COP1: variants seen among roughly 807,000 people sequenced by gnomAD.
COP1 encodes the protein E3 ubiquitin-protein ligase COP1.
A neutral mutation model predicts 101.3 loss-of-function variants in COP1; 24 were observed. That is an observed-to-expected ratio of 0.24 (90% confidence interval 0.17 to 0.33). COP1 has a LOEUF of 0.33. Ranked by LOEUF, COP1 falls within the 10% of genes least tolerant of loss-of-function variation. COP1 has a pLI of 1.00. For missense variants in COP1, 663 were observed against 906.2 expected (o/e 0.73, Z 3.45); for synonymous variants, 347 against 341.9 (o/e 1.01, Z -0.17).
At position 176,043,595 on chromosome 1, in the gene COP1, T is replaced by TA. The variant is rs1671013827; in HGVS notation, c.1530+114dup. On this transcript the variant is annotated intron_variant, in intron 13 of 19. Coordinates refer to ENST00000367669, the MANE Select transcript of COP1 (RefSeq NM_022457.7). ...GTATTGCATAGGTGTTACACAGGTA[T>TA]AAAAAATACTAAATAGTGACTTCAA... The TA allele has an allele frequency of 1.4e-5, 10 of 712,386 alleles. No individual in the cohort carries two copies. In the East Asian group the frequency reaches 2.5e-4, roughly 18 times the overall value. 44.1% of individuals were successfully genotyped at this position (712,386 alleles called of 1,614,324 possible). A position where few individuals can be genotyped will look rare whatever the true frequency, so the allele number is the denominator to read the frequency against.
intron 18 of COP1, among the ~76,000 whole-genome samples, chr1:175,965,181 A>AG (rs1282871750): frequency 6.6e-6 from 1 of 152,026 alleles, no homozygotes; most frequent in Non-Finnish European, 1.5e-5. Flanking sequence ...CTCATGTAGG[A>AG]GGTCATGGAC....
chr1:176,114,601 T>TG (rs1253862957), intron 9 of COP1, among the ~76,000 whole-genome samples: 7 of 120,802 alleles, frequency 5.8e-5, no homozygotes, highest in Admixed American at 1.8e-4. Context: ...GGGGAGGGAG[T>TG]GGGGGGGAAA....
intron 15 of COP1, among the ~76,000 whole-genome samples, chr1:175,998,583 T>C (rs895016881): frequency 3.9e-5 from 6 of 151,968 alleles, no homozygotes; most frequent in African/African-American, 1.4e-4. Flanking sequence ...AAAAACTAAA[T>C]CTGTATATAG....
At chr1:176,161,443 A>G (rs1018478448) in intron 5 of COP1, among the ~76,000 whole-genome samples, 11 of 152,018 alleles carry the variant, frequency 7.2e-5, no homozygotes, top group African/African-American at 2.4e-4. Context: ...AAAAATAAAA[A>G]TAAACTAGTT....
At chr1:176,136,384 C>G in intron 7 of COP1, 104 bp downstream of exon 7, 4 of 631,436 alleles carry the variant, frequency 6.3e-6, no homozygotes, top group Non-Finnish European at 8.1e-6. Flanking sequence ...TTACTTTCTT[C>G]CTAAGACCAA....
At chr1:176,084,273 T>G (rs2149413910) in intron 10 of COP1, among the ~76,000 whole-genome samples, 1 of 152,300 alleles carries the variant, frequency 6.6e-6, no homozygotes, top group African/African-American at 2.4e-5. Context: ...CCGGACTGAT[T>G]TTGGGAATCT....
intron 8 of COP1, among the ~76,000 whole-genome samples, chr1:176,127,597 A>ATGTG (rs1457339969): frequency 4.2e-5 from 2 of 47,068 alleles, no homozygotes; most frequent in Non-Finnish European, 1.5e-4. Context: ...GTGTATGTGT[A>ATGTG]TATATGTGTG....
At chr1:176,012,984 T>A (rs1052204813) in intron 15 of COP1, among the ~76,000 whole-genome samples, 1 of 152,276 alleles carries the variant, frequency 6.6e-6, no homozygotes, top group Non-Finnish European at 1.5e-5. Context: ...CAAATCCCCA[T>A]GCCCTCCATA....
At chr1:176,055,610 A>C (rs1434701324) in intron 11 of COP1, among the ~76,000 whole-genome samples, 1 of 152,144 alleles carries the variant, frequency 6.6e-6, no homozygotes, top group Non-Finnish European at 1.5e-5. Context: ...ACCTCTCTCT[A>C]CACTACTGCC....
In COP1 at chr1:176,144,212, G is replaced by T. The variant is rs189331262; in HGVS notation, c.831+4794C>A. On this transcript the variant is annotated intron_variant, in intron 6 of 19. Transcript: ENST00000367669. Reference sequence around the variant, plus strand: ...TGATGTGTACATAGAAAACATACAAGAATCTACAAATAAATTAGGATTAAT... The same window carrying T: ...TGATGTGTACATAGAAAACATACAATAATCTACAAATAAATTAGGATTAAT... Among the ~76,000 whole-genome samples, 549 of 152,192 alleles carry T rather than the reference G, an allele frequency of 3.6e-3. 9 individuals are homozygous for T. The highest frequency in any genetic ancestry group is 0.033 in the Admixed American group (502 of 15,272).
intron 8 of COP1, among the ~76,000 whole-genome samples, chr1:176,134,671 C>T (rs1338416820): frequency 6.6e-6 from 1 of 151,824 alleles, no homozygotes; most frequent in Non-Finnish European, 1.5e-5. Flanking sequence ...CACATTTTTC[C>T]CTAATATTAC....
chr1:175,995,878 T>A (rs1346106601), intron 15 of COP1, among the ~76,000 whole-genome samples: 1 of 151,902 alleles, frequency 6.6e-6, no homozygotes, highest in African/African-American at 2.4e-5. Flanking sequence ...AAAGAGAGAA[T>A]CCTCCCTAAC....
At position 176,206,583 on chromosome 1, in the gene COP1, G is replaced by C; in HGVS notation, c.396C>G (p.Asn132Lys). The C allele has an allele frequency of 1.2e-6, 2 of 1,610,524 alleles. No individual in the cohort carries two copies. Among genetic ancestry groups the C allele is most frequent in the Non-Finnish European group, 1.7e-6 (2 of 1,179,874 alleles). Residue 132 changes from asparagine to lysine, a missense_variant, in exon 1 of 20, where the codon AAC (asparagine) becomes AAG (lysine). Physicochemically the swap from Asn to Lys is moderately conservative, Grantham distance 94 (BLOSUM62 0). Coordinates refer to ENST00000367669, the MANE Select transcript of COP1 (RefSeq NM_022457.7). ...CTCTTCAAACCCACCATACGAAGTC[G>C]TTGCTTTTGTCCTCGTAGGAGTTGA... ...GLINSYEDKS[N>K]DFVCPICFDM... is the part of the protein sequence containing the mutation.
chr1:176,055,338 G>A (rs1340292115), intron 11 of COP1, among the ~76,000 whole-genome samples: 1 of 152,206 alleles, frequency 6.6e-6, no homozygotes, highest in African/African-American at 2.4e-5. Context: ...AGGAGGCTGA[G>A]GCAGGAGAAT....
At chr1:176,188,948 T>C (rs1279205403) in intron 1 of COP1, among the ~76,000 whole-genome samples, 1 of 151,866 alleles carries the variant, frequency 6.6e-6, no homozygotes, top group Non-Finnish European at 1.5e-5. Context: ...GAGAAAGAGT[T>C]AGGAAAAAAT....
At position 176,081,209 on chromosome 1, in the gene COP1, G is replaced by A. The variant is rs1679069286; in HGVS notation, c.1220C>T (p.Pro407Leu). ...SKFTRYNSVR[P>L]LATLSYASDL... is the part of the protein sequence containing the mutation. ...ACTAGCATATGACAATGTGGCTAAA[G>A]GTCGTACTGAATTATATCGAGTAAA... Residue 407 changes from proline to leucine, a missense_variant, in exon 11 of 20, where the codon CCT becomes CTT. Coordinates refer to ENST00000367669, the MANE Select transcript of COP1 (RefSeq NM_022457.7). 7 of 1,611,198 alleles carry A rather than the reference G, an allele frequency of 4.3e-6. No individual in the cohort carries two copies. The highest frequency in any genetic ancestry group is 5.9e-6 in the Non-Finnish European group (7 of 1,178,264).
chr1:175,953,660 C>T lies in COP1; in HGVS notation c.2134-6421G>A, dbSNP rs78444217. ...TAAGATACACCACGCAAACATTAAT[C>T]GTAAGAAAGCTGGAATGGCTATATC... On this transcript the variant is annotated intron_variant, in intron 18 of 19. Transcript: ENST00000367669. Among the ~76,000 whole-genome samples the T allele has an allele frequency of 6.7e-3, 1,021 of 151,276 alleles. 9 individuals are homozygous for T. Among genetic ancestry groups the T allele is most frequent in the African/African-American group, 0.023 (965 of 41,226 alleles).
chr1:176,041,240 C>G (rs1237493518), intron 14 of COP1, among the ~76,000 whole-genome samples: 1 of 152,154 alleles, frequency 6.6e-6, no homozygotes, highest in Non-Finnish European at 1.5e-5. Flanking sequence ...TTCTAAATGT[C>G]TCCATGTGGA....
At position 176,032,023 on chromosome 1, in the gene COP1, A is replaced by G. The variant is rs1031429374; in HGVS notation, c.1613-4335T>C. Among the ~76,000 whole-genome samples the G allele has an allele frequency of 2.6e-5, 4 of 152,308 alleles. No homozygotes were observed. In the East Asian group the frequency reaches 5.8e-4, roughly 22 times the overall value. Reference sequence around the variant, plus strand: ...CTCTGACAGCGCCTACTGCATGTCTATTTGCACCAAAGTATCCTAAGAAAG... The same window carrying G: ...CTCTGACAGCGCCTACTGCATGTCTGTTTGCACCAAAGTATCCTAAGAAAG... On this transcript the variant is annotated intron_variant, in intron 14 of 19. Coordinates refer to ENST00000367669, the MANE Select transcript of COP1 (RefSeq NM_022457.7).
Sources: gnomAD v4.1 joint callset for allele counts (sites outside exome capture counted in the v4.1 genomes callset) on GRCh38, gnomAD v4.1.1 for gene constraint, MANE v1.5 for transcripts, NCBI Gene and HGNC (gene_info 2026-07-23, HGNC 2026-07-21) for gene names.